The following CACNB2 variants were observed in gnomAD, a reference collection of about 807,000 sequenced individuals.
The protein encoded by CACNB2 is voltage-dependent L-type calcium channel subunit beta-2.
In CACNB2, 42 loss-of-function variants were observed where a neutral mutation model predicts 73.3. That is an observed-to-expected ratio of 0.57 (90% CI 0.45 to 0.74). CACNB2 has a LOEUF of 0.74. Ranked by LOEUF, CACNB2 falls within the 30% of genes least tolerant of loss-of-function variation. CACNB2 has a pLI of 0.00. For missense variants in CACNB2, 940 were observed against 853.0 expected, an observed-to-expected ratio of 1.10 and a Z score of -1.27; for synonymous variants, 348 against 310.3, an observed-to-expected ratio of 1.12 and a Z score of -1.28.
intron 2 of CACNB2, among the ~76,000 whole-genome samples, chr10:18,184,816 G>A (rs72782007): frequency 9.9e-5 from 15 of 151,984 alleles, no homozygotes; most frequent in Non-Finnish European, 1.6e-4. Flanking sequence ...TGCACATGTC[G>A]ACCCATCACC....
chr10:18,370,964 CT>C (rs2042557123), intron 2 of CACNB2, among the ~76,000 whole-genome samples: 1 of 152,080 alleles, frequency 6.6e-6, no homozygotes, highest in Non-Finnish European at 1.5e-5. Context: ...TTACGTGCAT[CT>C]TTTTCTTTCA....
intron 3 of CACNB2, among the ~76,000 whole-genome samples, chr10:18,430,485 C>T (rs1351346035): frequency 6.6e-6 from 1 of 151,798 alleles, no homozygotes; most frequent in Non-Finnish European, 1.5e-5. Flanking sequence ...AATTAATTAA[C>T]TGGGTGTGGT....
chr10:18,520,092 A>G (rs2051698816), intron 9 of CACNB2: 1 of 190,458 alleles, frequency 5.3e-6, no homozygotes, highest in Non-Finnish European at 1.1e-5. Context: ...TAGTGATTTC[A>G]TTCAGCATCA....
intron 2 of CACNB2, among the ~76,000 whole-genome samples, chr10:18,327,786 T>G (rs1166067601): frequency 6.6e-6 from 1 of 152,108 alleles, no homozygotes; most frequent in Admixed American, 6.6e-5. Context: ...GACAGAAATT[T>G]AAGGCAGTAT....
At chr10:18,429,618 G>A (rs566283961) in intron 3 of CACNB2, among the ~76,000 whole-genome samples, 2 of 150,888 alleles carry the variant, frequency 1.3e-5, no homozygotes, top group Admixed American at 1.3e-4. Context: ...CTTGTGCCCA[G>A]GAGTTCAAGA....
At chr10:18,232,048 C>T (rs528787698) in intron 2 of CACNB2, among the ~76,000 whole-genome samples, 67 of 152,208 alleles carry the variant, frequency 4.4e-4, no homozygotes, top group African/African-American at 1.6e-3. Context: ...TAAAAATGAC[C>T]ACAAAGGTAT....
chr10:18,515,741 C>G (rs1049016428), intron 7 of CACNB2, among the ~76,000 whole-genome samples: 41 of 152,174 alleles, frequency 2.7e-4, no homozygotes, highest in African/African-American at 9.7e-4. Context: ...AAGCTTGCAG[C>G]CAAGTGACTA....
At chr10:18,413,160 T>TG (rs1442388925) in intron 3 of CACNB2, among the ~76,000 whole-genome samples, 1 of 152,110 alleles carries the variant, frequency 6.6e-6, no homozygotes, top group African/African-American at 2.4e-5. Context: ...TTAGTAGAGA[T>TG]GGGGCTTCAC....
intron 9 of CACNB2, among the ~76,000 whole-genome samples, chr10:18,522,132 A>G (rs1411685700): frequency 6.6e-6 from 1 of 152,066 alleles, no homozygotes; most frequent in Non-Finnish European, 1.5e-5. Context: ...CATGCTCCTT[A>G]GGACAGTCTA....
At position 18,401,904 on chromosome 10, in the gene CACNB2, A is replaced by G. The variant is rs2044015862; in HGVS notation, c.214-20A>G. ...CATCATAGACTGAATCTACTTTAAAATGTACATTTTCCTCTCCAGGGTTCG... is the reference window on the plus strand; with the variant it reads ...CATCATAGACTGAATCTACTTTAAAGTGTACATTTTCCTCTCCAGGGTTCG... On this transcript the variant is annotated intron_variant, in intron 2 of 13. Coordinates refer to ENST00000324631, the MANE Select transcript of CACNB2 (RefSeq NM_201596.3). 5.6e-6 allele frequency: 9 copies of G among 1,613,428 alleles called. No homozygotes were observed. The highest frequency in any genetic ancestry group is 7.6e-6 in the Non-Finnish European group (9 of 1,179,432).
At chr10:18,249,825 C>G (rs186237753) in intron 2 of CACNB2, among the ~76,000 whole-genome samples, 1 of 152,326 alleles carries the variant, frequency 6.6e-6, no homozygotes, top group African/African-American at 2.4e-5. Context: ...GCCTACCTGA[C>G]TGCTCCACAT....
At chr10:18,291,691 A>G (rs962536454) in intron 2 of CACNB2, among the ~76,000 whole-genome samples, 1 of 152,200 alleles carries the variant, frequency 6.6e-6, no homozygotes, top group African/African-American at 2.4e-5. Context: ...TGGTGAAACT[A>G]TTGTTGACCG....
chr10:18,450,977 T>G (rs2046995990), intron 3 of CACNB2, among the ~76,000 whole-genome samples: 1 of 152,222 alleles, frequency 6.6e-6, no homozygotes, highest in African/African-American at 2.4e-5. Context: ...ACCAATATTT[T>G]AACATGTTAC....
chr10:18,183,186 A>G (rs1315125915), intron 2 of CACNB2, among the ~76,000 whole-genome samples: 1 of 152,156 alleles, frequency 6.6e-6, no homozygotes, highest in Admixed American at 6.5e-5. Flanking sequence ...CCAGGATTAA[A>G]TGAGATATTA....
chr10:18,492,724 A>G (rs960465127), intron 3 of CACNB2, among the ~76,000 whole-genome samples: 1 of 152,178 alleles, frequency 6.6e-6, no homozygotes, highest in Non-Finnish European at 1.5e-5. Flanking sequence ...GAAAGAATCT[A>G]TATCACAGAA....
intron 2 of CACNB2, among the ~76,000 whole-genome samples, chr10:18,370,806 T>C (rs1270141537): frequency 6.6e-6 from 1 of 152,238 alleles, no homozygotes; most frequent in Non-Finnish European, 1.5e-5. Flanking sequence ...TTGTTGGGCA[T>C]TTAGGTTGTT....
intron 2 of CACNB2, among the ~76,000 whole-genome samples, chr10:18,240,620 T>C (rs1369757557): frequency 6.6e-6 from 1 of 152,218 alleles, no homozygotes; most frequent in Non-Finnish European, 1.5e-5. Flanking sequence ...CCCCATATCC[T>C]GGCACATTTC....
chr10:18,140,982 C>T (rs1588524794), intron 1 of CACNB2, 126 bp downstream of exon 1: 4 of 1,519,320 alleles, frequency 2.6e-6, no homozygotes, highest in Non-Finnish European at 3.5e-6. Context: ...GTCGCCTGCC[C>T]ACCCTCTGCT....
At chr10:18,430,131 TAAA>T (rs35215145) in intron 3 of CACNB2, among the ~76,000 whole-genome samples, 58 of 149,676 alleles carry the variant, frequency 3.9e-4, no homozygotes, top group East Asian at 9.8e-4. Context: ...AAGAAGATGT[TAAA>T]AAAAAAAAAA....
Sources: gnomAD v4.1 joint callset for allele counts (sites outside exome capture counted in the v4.1 genomes callset) on GRCh38, gnomAD v4.1.1 for gene constraint, MANE v1.5 for transcripts, NCBI Gene and HGNC (gene_info 2026-07-23, HGNC 2026-07-21) for gene names.